The following SLC22A16 variants were observed in gnomAD, a reference collection of about 807,000 sequenced individuals.
SLC22A16 encodes solute carrier family 22 member 16, also known as WUGSC:RG331P03.1.
A neutral mutation model predicts 52.9 loss-of-function variants in SLC22A16; 53 were observed. The ratio of observed to expected loss-of-function variants is 1.00; its 90% CI spans 0.80 to 1.26. The LOEUF (loss-of-function observed/expected upper bound fraction) is 1.26. Among genes scored for constraint, SLC22A16 ranks in the 50% most tolerant of loss-of-function variants. SLC22A16 has a pLI of 0.00. For synonymous variants in SLC22A16, 291 were observed against 268.8 expected (o/e 1.08, Z -0.81); for missense variants, 726 against 704.0 (o/e 1.03, Z -0.35).
At chr6:110,431,022 G>T in intron 7 of SLC22A16, 149 bp downstream of exon 7, 1 of 626,774 alleles carries the variant, frequency 1.6e-6, no homozygotes, top group Non-Finnish European at 2.8e-6. Flanking sequence ...CTCACCAACT[G>T]GCCAGCTGTT....
intron 2 of SLC22A16, among the ~76,000 whole-genome samples, chr6:110,449,277 T>C (rs1438878688): frequency 6.6e-6 from 1 of 151,854 alleles, no homozygotes; most frequent in Non-Finnish European, 1.5e-5. Context: ...GTTCTGCTTG[T>C]ACCTCCCTGA....
At chr6:110,447,102 G>A (rs949781409) in intron 2 of SLC22A16, 112 bp from the exon 3 acceptor site, 1 of 770,066 alleles carries the variant, frequency 1.3e-6, no homozygotes, top group Admixed American at 2.8e-5. Context: ...AATAGCTTAT[G>A]TATTGATTGT....
chr6:110,442,008 A>T (rs1214126454), intron 4 of SLC22A16, among the ~76,000 whole-genome samples: 2 of 152,104 alleles, frequency 1.3e-5, no homozygotes, highest in African/African-American at 4.8e-5. Flanking sequence ...TATGTTTTAA[A>T]TTTTTGTCTT....
chr6:110,431,042 G>T, intron 7 of SLC22A16, 129 bp downstream of exon 7: 1 of 737,210 alleles, frequency 1.4e-6, no homozygotes, highest in Non-Finnish European at 2.3e-6. Context: ...TGGTAATGGG[G>T]TTGTTTCTAC....
chr6:110,456,610 G>A lies in SLC22A16; in HGVS notation c.461C>T (p.Ala154Val), dbSNP rs750038856. ...CATAAATAGGGGCTGGATCAGCATT[G>A]CAAGCCATTTTCGGTCACAGACCAG... ...WNLVCDRKWL[A>V]MLIQPLFMFG... The change falls in exon 2 of 8, where the codon GCA becomes GTA. Residue 154 changes from alanine (A) to valine (V), a missense_variant. By Grantham distance (64) the Ala-to-Val change is moderately conservative. Transcript: ENST00000368919. The A allele has an allele frequency of 3.1e-6, 5 of 1,614,058 alleles. No homozygotes were observed. In the African/African-American group the frequency reaches 6.7e-5, roughly 22 times the overall value.
chr6:110,449,949 C>A (rs1775310254), intron 2 of SLC22A16, among the ~76,000 whole-genome samples: 1 of 152,212 alleles, frequency 6.6e-6, no homozygotes, highest in African/African-American at 2.4e-5. Flanking sequence ...GCCACACTGA[C>A]TTTCCCACAA....
chr6:110,470,319 C>G (rs1033061528), intron 1 of SLC22A16, among the ~76,000 whole-genome samples: 2 of 152,134 alleles, frequency 1.3e-5, no homozygotes, highest in African/African-American at 4.8e-5. Flanking sequence ...CCTGAAATTT[C>G]AACTCAGCAA....
intron 1 of SLC22A16, among the ~76,000 whole-genome samples, chr6:110,473,392 T>G (rs1776326983): frequency 6.6e-6 from 1 of 151,972 alleles, no homozygotes. Flanking sequence ...CTCAATTTCT[T>G]TTCATATGGA....
intron 7 of SLC22A16, among the ~76,000 whole-genome samples, chr6:110,428,730 A>G (rs1425536675): frequency 1.3e-5 from 2 of 152,226 alleles, no homozygotes; most frequent in Non-Finnish European, 2.9e-5. Context: ...AGCTTGGCCA[A>G]CATAGTGAAA....
chr6:110,442,324 G>A lies in SLC22A16; in HGVS notation c.1103C>T (p.Thr368Ile), dbSNP rs751133048. 5.0e-6 allele frequency: 8 copies of A among 1,614,050 alleles called. No individual in the cohort carries two copies. The highest frequency in any genetic ancestry group is 6.8e-6 in the Non-Finnish European group (8 of 1,180,036). ...RTLTVWLIWF[T>I]GSLGFYSFSL... ...AAACGAGTAGAATCCCAAACTTCCAGTGAACCAGATTAGCCAAACGGTAAG... is the reference window on the plus strand; with the variant it reads ...AAACGAGTAGAATCCCAAACTTCCAATGAACCAGATTAGCCAAACGGTAAG... Residue 368 changes from threonine to isoleucine, a missense_variant, in exon 4 of 8, where the codon ACT becomes ATT. Physicochemically the swap from Thr to Ile is moderately conservative, Grantham distance 89. Transcript: ENST00000368919.
At chr6:110,428,844 T>C (rs2295187) in intron 7 of SLC22A16, among the ~76,000 whole-genome samples, 51,243 of 152,004 alleles carry the variant, frequency 0.34, 8,917 homozygotes, top group East Asian at 0.41. Flanking sequence ...CTTTTGAACC[T>C]GGGAGGTGGA....
At chr6:110,452,558 G>C (rs1176087642) in intron 2 of SLC22A16, among the ~76,000 whole-genome samples, 3 of 152,164 alleles carry the variant, frequency 2.0e-5, no homozygotes, top group African/African-American at 4.8e-5. Context: ...TAAGAGCTGG[G>C]TGCAGTGGTG....
At chr6:110,456,460 A>T in intron 2 of SLC22A16, 78 bp downstream of exon 2, 1 of 1,515,540 alleles carries the variant, frequency 6.6e-7, no homozygotes, top group Non-Finnish European at 8.9e-7. Context: ...TTTTAAACAT[A>T]ATTCCTTGTG....
intron 3 of SLC22A16, among the ~76,000 whole-genome samples, chr6:110,446,545 A>T (rs935755324): frequency 6.6e-6 from 1 of 152,168 alleles, no homozygotes; most frequent in Non-Finnish European, 1.5e-5. Context: ...CACACACCTC[A>T]ACTGTCTGTT....
chr6:110,474,043 C>T (rs780417208), intron 1 of SLC22A16, among the ~76,000 whole-genome samples: 5 of 152,114 alleles, frequency 3.3e-5, no homozygotes, highest in Non-Finnish European at 7.4e-5. Flanking sequence ...GTCAGATCAG[C>T]GGCGGCATTA....
At chr6:110,462,908 TC>T in intron 1 of SLC22A16, among the ~76,000 whole-genome samples, 1 of 151,890 alleles carries the variant, frequency 6.6e-6, no homozygotes. Context: ...AGAAATCCTG[TC>T]AGACTAATGA....
In SLC22A16 at chr6:110,435,915, G is replaced by C. The variant is rs1311470123; in HGVS notation, c.1358C>G (p.Ala453Gly). Reference sequence around the variant, plus strand: ...AATGAGGCCAAATGCTGCCCCGATGGCAAATTTTCCAACCATAGCTGTCAC... The same window carrying C: ...AATGAGGCCAAATGCTGCCCCGATGCCAAATTTTCCAACCATAGCTGTCAC... Reference protein sequence around the residue: ...GVVTAMVGKFAIGAAFGLIYL... With the variant: ...GVVTAMVGKFGIGAAFGLIYL... Residue 453 changes from alanine (A) to glycine (G), a missense_variant, in exon 6 of 8, where the codon GCC becomes GGC. Ala to Gly is a moderately conservative substitution (Grantham distance 60). Transcript: ENST00000368919. The C allele has an allele frequency of 6.2e-7, 1 of 1,613,902 alleles. No homozygotes were observed. The highest frequency in any genetic ancestry group is 8.5e-7 in the Non-Finnish European group (1 of 1,179,900).
In SLC22A16 at chr6:110,442,460, A is replaced by C. The variant is rs767415728; in HGVS notation, c.967T>G (p.Ser323Ala). 6.2e-7 allele frequency: 1 copy of C among 1,614,246 alleles called. No individual in the cohort carries two copies. Among genetic ancestry groups the C allele is most frequent in the East Asian group, 2.2e-5 (1 of 44,892 alleles). Residue 323 changes from serine (S) to alanine (A), a missense_variant, in exon 4 of 8, where the codon TCA (serine) becomes GCA (alanine). Physicochemically the swap from Ser to Ala is moderately conservative, Grantham distance 99. Coordinates refer to ENST00000368919, the MANE Select transcript of SLC22A16 (RefSeq NM_033125.4). ...KWNRASSCKL[S>A]ELLSLDLQGP... ...TGTAGGTCCAGTGATAAAAGTTCTG[A>C]CAGTTTACAGGAGCTTGCCCTGTTC...
At chr6:110,465,190 A>G (rs1776020488) in intron 1 of SLC22A16, among the ~76,000 whole-genome samples, 1 of 152,104 alleles carries the variant, frequency 6.6e-6, no homozygotes, top group Non-Finnish European at 1.5e-5. Flanking sequence ...AGCCAACATC[A>G]TACTGAATGG....
Sources: gnomAD v4.1 joint callset for allele counts (sites outside exome capture counted in the v4.1 genomes callset) on GRCh38, gnomAD v4.1.1 for gene constraint, MANE v1.5 for transcripts, NCBI Gene and HGNC (gene_info 2026-07-23, HGNC 2026-07-21) for gene names.